Variants in VPS13B observed in about 807,000 individuals in gnomAD.
VPS13B encodes the protein vacuolar protein sorting 13 homolog B.
Under a neutral mutation model 426.4 loss-of-function variants are expected in VPS13B, and 285 were observed. The ratio of observed to expected loss-of-function variants is 0.67; its 90% confidence interval spans 0.61 to 0.74. VPS13B has a LOEUF of 0.74. VPS13B is among the 30% of genes least tolerant of loss of function. The pLI, the probability that VPS13B is intolerant of heterozygous loss-of-function variation, is 0.00. For missense variants in VPS13B, 4,537 were observed against 4,782.6 expected (o/e 0.95, Z 1.51); for synonymous variants, 1,676 against 1,676.4 (o/e 1.00, Z 0.01).
intron 55 of VPS13B, among the ~76,000 whole-genome samples, chr8:99,851,729 G>T (rs2130912020): frequency 6.6e-6 from 1 of 152,204 alleles, no homozygotes; most frequent in African/African-American, 2.4e-5. Flanking sequence ...GGAAGTGGAA[G>T]TAGCAGTGCA....
intron 25 of VPS13B, among the ~76,000 whole-genome samples, chr8:99,491,420 TG>T (rs1381710091): frequency 3.3e-5 from 5 of 152,228 alleles, no homozygotes; most frequent in African/African-American, 1.2e-4. Flanking sequence ...TTTGCTAGAC[TG>T]GGGAAGTTCT....
chr8:99,753,041 G>T (rs1181047380), intron 39 of VPS13B, among the ~76,000 whole-genome samples: 1 of 151,996 alleles, frequency 6.6e-6, no homozygotes, highest in Non-Finnish European at 1.5e-5. Flanking sequence ...TCCTTGACAG[G>T]TTTTTTTAAC....
At chr8:99,116,363 T>A (rs964642519) in intron 7 of VPS13B, among the ~76,000 whole-genome samples, 1 of 151,962 alleles carries the variant, frequency 6.6e-6, no homozygotes, top group Non-Finnish European at 1.5e-5. Context: ...ACATGCTGGA[T>A]AACATTCTGA....
At chr8:99,060,361 C>G (rs1361158818) in intron 3 of VPS13B, among the ~76,000 whole-genome samples, 1 of 152,064 alleles carries the variant, frequency 6.6e-6, no homozygotes, top group Non-Finnish European at 1.5e-5. Flanking sequence ...GTAATTCCAG[C>G]ACTTTGGGAG....
chr8:99,157,279 T>G (rs1368921115), intron 15 of VPS13B, among the ~76,000 whole-genome samples: 2 of 152,066 alleles, frequency 1.3e-5, no homozygotes, highest in Admixed American at 6.6e-5. Context: ...TGTGTGTTTT[T>G]TTTTTTTAAC....
intron 29 of VPS13B, among the ~76,000 whole-genome samples, chr8:99,518,965 A>G (rs1400877047): frequency 5.3e-5 from 8 of 152,194 alleles, no homozygotes; most frequent in Non-Finnish European, 1.0e-4. Flanking sequence ...GAGAGAAATT[A>G]TAAGTTTTAA....
At chr8:99,046,423 T>A (rs1843244378) in intron 3 of VPS13B, among the ~76,000 whole-genome samples, 1 of 152,294 alleles carries the variant, frequency 6.6e-6, no homozygotes, top group African/African-American at 2.4e-5. Context: ...ATTTTTTTTT[T>A]TATCAGTTCT....
intron 19 of VPS13B, among the ~76,000 whole-genome samples, chr8:99,315,368 CA>C (rs1809581751): frequency 6.7e-6 from 1 of 149,998 alleles, no homozygotes; most frequent in African/African-American, 2.5e-5. Flanking sequence ...TGGGTTATTT[CA>C]AAAGACCTAT....
chr8:99,442,282 A>G, intron 22 of VPS13B, 119 bp from the exon 23 acceptor site: 1 of 826,124 alleles, frequency 1.2e-6, no homozygotes. Context: ...AAAATAAGTC[A>G]TAAAGACATA....
intron 16 of VPS13B, among the ~76,000 whole-genome samples, chr8:99,181,983 A>G (rs1370985986): frequency 3.7e-4 from 57 of 152,178 alleles, no homozygotes; most frequent in Admixed American, 3.7e-3. Flanking sequence ...AAAGACTTGA[A>G]CAGACATTTC....
intron 35 of VPS13B, among the ~76,000 whole-genome samples, chr8:99,695,119 C>A (rs1831900087): frequency 6.6e-6 from 1 of 150,546 alleles, no homozygotes; most frequent in East Asian, 2.0e-4. Flanking sequence ...ACTAGTTCAA[C>A]CATTGTGGAA....
chr8:99,113,743 T>G (rs1847502420), intron 6 of VPS13B, among the ~76,000 whole-genome samples: 2 of 152,026 alleles, frequency 1.3e-5, no homozygotes, highest in South Asian at 4.2e-4. Context: ...TTTTGTATTT[T>G]TAGTAGAGAC....
At chr8:99,752,037 A>G (rs1448629784) in intron 39 of VPS13B, among the ~76,000 whole-genome samples, 1 of 152,104 alleles carries the variant, frequency 6.6e-6, no homozygotes, top group Admixed American at 6.5e-5. Flanking sequence ...ACTGTTTATC[A>G]TATATTTATC....
chr8:99,523,257 G>T (rs1178010586), intron 30 of VPS13B, among the ~76,000 whole-genome samples: 1 of 152,192 alleles, frequency 6.6e-6, no homozygotes, highest in Non-Finnish European at 1.5e-5. Context: ...CTCCTGGACA[G>T]CATCTCTGGA....
rs1847351205 is a variant in VPS13B, at chr8:99,111,284, G to T, written c.762+5G>T. 5.0e-6 allele frequency: 8 copies of T among 1,593,978 alleles called. No homozygotes were observed. Among genetic ancestry groups the T allele is most frequent in the South Asian group, 1.1e-5 (1 of 87,112 alleles). On this transcript the variant is annotated splice_donor_5th_base_variant and intron_variant, in intron 6 of 61. Transcript: ENST00000357162. ...AAGATGCCATCTGTTATTAAAGTAG[G>T]TATCTCTTTTTTTTGCAGTTAAGTT...
At chr8:99,391,377 A>G (rs540093758) in intron 20 of VPS13B, among the ~76,000 whole-genome samples, 180 bp from the exon 21 acceptor site, 21 of 150,562 alleles carry the variant, frequency 1.4e-4, no homozygotes, top group African/African-American at 3.7e-4. Flanking sequence ...GAGAGAGAGA[A>G]AAAAAAAAGC....
intron 21 of VPS13B, among the ~76,000 whole-genome samples, chr8:99,418,455 T>TTTTCTTTCTTTCTTTCTTTC (rs59187307): frequency 3.3e-5 from 4 of 122,668 alleles, no homozygotes; most frequent in Non-Finnish European, 3.4e-5. Flanking sequence ...TTTATCATAG[T>TTTTCTTTCTTTCTTTCTTTC]TTTCTTTCTT....
At chr8:99,249,742 G>A (rs1817406740) in intron 17 of VPS13B, among the ~76,000 whole-genome samples, 1 of 152,126 alleles carries the variant, frequency 6.6e-6, no homozygotes, top group Non-Finnish European at 1.5e-5. Flanking sequence ...AAGTTTTAAA[G>A]AAGCTGCCAA....
At chr8:99,765,645 A>T (rs1811181055) in intron 39 of VPS13B, among the ~76,000 whole-genome samples, 1 of 152,218 alleles carries the variant, frequency 6.6e-6, no homozygotes. Context: ...CCCCAGGGGG[A>T]TGCTCTGCTT....
Sources: allele counts gnomAD v4.1 joint callset (sites outside exome capture counted in the v4.1 genomes callset), GRCh38; gene constraint gnomAD v4.1.1; transcripts MANE v1.5; gene names NCBI Gene and HGNC (gene_info 2026-07-23, HGNC 2026-07-21).